The following PEX7 variants were observed in gnomAD, a reference collection of about 807,000 sequenced individuals.
The protein encoded by PEX7 is peroxisomal biogenesis factor 7.
PEX7 carries 34 observed loss-of-function variants against 47.5 expected under a neutral mutation model. The ratio of observed to expected loss-of-function variants is 0.72; its 90% CI spans 0.54 to 0.95. The LOEUF is 0.95. Ranked by LOEUF, PEX7 falls within the 40% of genes least tolerant of loss-of-function variation. PEX7 has a pLI of 0.00. For missense variants in PEX7, 394 were observed against 400.3 expected (o/e 0.98, Z 0.13); for synonymous variants, 141 against 148.8 (o/e 0.95, Z 0.38).
At chr6:136,866,266 G>A (rs1775070502) in intron 5 of PEX7, among the ~76,000 whole-genome samples, 1 of 151,852 alleles carries the variant, frequency 6.6e-6, no homozygotes, top group Non-Finnish European at 1.5e-5. Context: ...TTACTCTATT[G>A]TTGGTTTCTA....
chr6:136,897,688 G>A (rs1775675546), intron 8 of PEX7, among the ~76,000 whole-genome samples: 1 of 152,080 alleles, frequency 6.6e-6, no homozygotes. Context: ...TTAAGCCTAA[G>A]ATCTTTCATG....
At chr6:136,882,175 C>CTTTTTTTTTTTTTTTTTT (rs35653586) in intron 8 of PEX7, among the ~76,000 whole-genome samples, 1 of 104,324 alleles carries the variant, frequency 9.6e-6, no homozygotes, top group African/African-American at 3.8e-5. Context: ...TCTTCTTCTT[C>CTTTTTTTTTTTTTTTTTT]TTTTTTTTTT....
chr6:136,840,176 T>G (rs1774468837), intron 3 of PEX7, among the ~76,000 whole-genome samples: 1 of 152,172 alleles, frequency 6.6e-6, no homozygotes, highest in African/African-American at 2.4e-5. Flanking sequence ...ATTTTATACA[T>G]TATAAAATAC....
intron 5 of PEX7, among the ~76,000 whole-genome samples, chr6:136,863,750 A>G (rs1480339152): frequency 1.3e-5 from 2 of 152,268 alleles, no homozygotes; most frequent in East Asian, 3.9e-4. Context: ...TCTGCCAAAA[A>G]TAGAAAAATT....
At chr6:136,866,037 C>T (rs1057217473) in intron 5 of PEX7, among the ~76,000 whole-genome samples, 7 of 152,052 alleles carry the variant, frequency 4.6e-5, no homozygotes, top group African/African-American at 1.4e-4. Context: ...GAGCCGATAT[C>T]GTGCCACTGC....
intron 8 of PEX7, among the ~76,000 whole-genome samples, chr6:136,891,633 T>C (rs1178706710): frequency 6.6e-6 from 1 of 151,438 alleles, no homozygotes; most frequent in Non-Finnish European, 1.5e-5. Context: ...TTTAACTCTA[T>C]AAAATTGTTC....
At chr6:136,906,411 A>C (rs943373918) in intron 9 of PEX7, among the ~76,000 whole-genome samples, 2 of 152,188 alleles carry the variant, frequency 1.3e-5, no homozygotes, top group Admixed American at 6.5e-5. Context: ...AACATTGAAT[A>C]ACCTATAGAT....
chr6:136,828,006 T>G (rs1429954485), intron 3 of PEX7, among the ~76,000 whole-genome samples: 1 of 152,060 alleles, frequency 6.6e-6, no homozygotes, highest in African/African-American at 2.4e-5. Context: ...CAGAAGTTTT[T>G]TTTTTCCTTT....
chr6:136,871,597 C>A (rs1271209531), intron 7 of PEX7, among the ~76,000 whole-genome samples: 3 of 152,064 alleles, frequency 2.0e-5, no homozygotes, highest in Non-Finnish European at 4.4e-5. Flanking sequence ...CTCTCTCTGT[C>A]GCCGGGGCTG....
intron 3 of PEX7, among the ~76,000 whole-genome samples, chr6:136,835,350 A>G (rs1774367036): frequency 6.6e-6 from 1 of 150,958 alleles, no homozygotes; most frequent in East Asian, 1.9e-4. Context: ...GTGCAGTGGC[A>G]TGTTCTCAGC....
intron 8 of PEX7, among the ~76,000 whole-genome samples, chr6:136,882,622 T>C (rs903250357): frequency 1.3e-5 from 2 of 152,198 alleles, no homozygotes; most frequent in Non-Finnish European, 2.9e-5. Context: ...CTGCAGATTT[T>C]CTCTAAATCT....
At chr6:136,910,422 G>A (rs776179846) in intron 9 of PEX7, among the ~76,000 whole-genome samples, 5 of 152,316 alleles carry the variant, frequency 3.3e-5, no homozygotes, top group African/African-American at 4.8e-5. Context: ...GACAGAAAGG[G>A]AGGGAGAAGA....
chr6:136,833,830 T>C (rs895165091), intron 3 of PEX7, among the ~76,000 whole-genome samples: 3 of 152,240 alleles, frequency 2.0e-5, no homozygotes, highest in Non-Finnish European at 4.4e-5. Context: ...CTTTGTTTTA[T>C]ATTTTAAAGT....
intron 8 of PEX7, among the ~76,000 whole-genome samples, chr6:136,880,530 A>G (rs926934087): frequency 1.3e-5 from 2 of 152,198 alleles, no homozygotes; most frequent in Admixed American, 1.3e-4. Flanking sequence ...AGCTGGAACA[A>G]GGAAGAGAGC....
At chr6:136,903,679 T>G (rs1336869324) in intron 9 of PEX7, among the ~76,000 whole-genome samples, 1 of 152,058 alleles carries the variant, frequency 6.6e-6, no homozygotes, top group African/African-American at 2.4e-5. Flanking sequence ...TTATTATTAT[T>G]TGAGACAGGG....
intron 5 of PEX7, among the ~76,000 whole-genome samples, chr6:136,866,349 A>T (rs1438612803): frequency 6.6e-6 from 1 of 152,106 alleles, no homozygotes; most frequent in Non-Finnish European, 1.5e-5. Flanking sequence ...CCTGCCTCGA[A>T]CACACACCAG....
At chr6:136,842,522 G>A (rs974797757) in intron 3 of PEX7, among the ~76,000 whole-genome samples, 1 of 152,210 alleles carries the variant, frequency 6.6e-6, no homozygotes, top group Non-Finnish European at 1.5e-5. Flanking sequence ...GTAGTCATAA[G>A]GTGTCACCTG....
At chr6:136,832,017 CTG>C (rs1244238852) in intron 3 of PEX7, among the ~76,000 whole-genome samples, 1 of 152,276 alleles carries the variant, frequency 6.6e-6, no homozygotes, top group African/African-American at 2.4e-5. Flanking sequence ...CCAGTGGGGA[CTG>C]TGTGGGGCCT....
At chr6:136,860,928 C>T (rs1484280569) in intron 5 of PEX7, among the ~76,000 whole-genome samples, 1 of 152,140 alleles carries the variant, frequency 6.6e-6, no homozygotes, top group Non-Finnish European at 1.5e-5. Context: ...GTGTGGCCTT[C>T]CAATAACATG....
Sources: allele counts gnomAD v4.1 joint callset (sites outside exome capture counted in the v4.1 genomes callset), GRCh38; gene constraint gnomAD v4.1.1; transcripts MANE v1.5; gene names NCBI Gene and HGNC (gene_info 2026-07-23, HGNC 2026-07-21).